MEA1: variants seen among roughly 807,000 people sequenced by gnomAD.
The protein encoded by MEA1 is Male-enhanced antigen (H-Y structural gene).
MEA1 carries 22 observed loss-of-function variants against 21.4 expected under a neutral mutation model. The observed-to-expected ratio is 1.03, with a 90% CI of 0.73 to 1.47. The LOEUF is 1.47. Among genes scored for constraint, MEA1 ranks in the 40% most tolerant of loss-of-function variants. The pLI is 0.00. For missense variants in MEA1, 233 were observed against 230.5 expected (o/e 1.01, Z -0.07); for synonymous variants, 91 against 85.5 (o/e 1.06, Z -0.35).
At position 43,013,152 on chromosome 6, in the gene MEA1, TCC is replaced by T; in HGVS notation, c.264_265del (p.Asp89TrpfsTer6). 3 of 1,614,052 alleles carry T rather than the reference TCC, an allele frequency of 1.9e-6. No homozygotes were observed. The highest frequency in any genetic ancestry group is 2.5e-6 in the Non-Finnish European group (3 of 1,179,998). Reference sequence around the variant, plus strand: ...CTGGATGTCAGCAACTACATCTCCATCCCCCACTGGTGCCAGTTCCACCTCCT... The same window carrying T: ...CTGGATGTCAGCAACTACATCTCCATCCCACTGGTGCCAGTTCCACCTCCT... On this transcript the variant is annotated frameshift_variant, in exon 2 of 4. Coordinates refer to ENST00000244711, the MANE Select transcript of MEA1 (RefSeq NM_014623.4). LOFTEE classifies it high-confidence loss of function.
At chr6:43,015,819 G>T (rs982906558), upstream of MEA1, among the ~76,000 whole-genome samples, 1 of 140,544 alleles carries the variant, frequency 7.1e-6, no homozygotes, top group Non-Finnish European at 1.5e-5. Flanking sequence ...GCACCATTGC[G>T]CTCCAGCCTG....
chr6:43,015,969 C>T (rs1762561897), upstream of MEA1, among the ~76,000 whole-genome samples: 1 of 151,406 alleles, frequency 6.6e-6, no homozygotes, highest in Non-Finnish European at 1.5e-5. Context: ...CAGAGTCTCG[C>T]TCTGTCGCCA....
At chr6:43,014,393 A>C, upstream of MEA1, 1 of 477,280 alleles carries the variant, frequency 2.1e-6, no homozygotes, top group Non-Finnish European at 4.0e-6. Context: ...TAGGGGGCTT[A>C]GGACGTGCTG....
chr6:43,011,146 C>T lies in MEA1; in HGVS notation c.*1324G>A. Reference sequence around the variant, plus strand: ...TCCTCACCTTGTCCCTATTCACACACAGATGCTAAAAGACATCAAGAAGGA... The same window carrying T: ...TCCTCACCTTGTCCCTATTCACACATAGATGCTAAAAGACATCAAGAAGGA... On this transcript the variant is annotated 3_prime_UTR_variant, in exon 4 of 4. Transcript: ENST00000244711. 2 of 1,614,146 alleles carry T rather than the reference C, an allele frequency of 1.2e-6. No homozygotes were observed. The highest frequency in any genetic ancestry group is 1.7e-6 in the Non-Finnish European group (2 of 1,179,998).
rs780114687 is a variant in MEA1, at chr6:43,011,165, A to G, written c.*1305T>C. ...CACACACAGATGCTAAAAGACATCA[A>G]GAAGGAGAAAGTGCTGCTGCGGAGG... On this transcript the variant is annotated 3_prime_UTR_variant, in exon 4 of 4. Transcript: ENST00000244711. 5.0e-6 allele frequency: 8 copies of G among 1,614,164 alleles called. No homozygotes were observed. The South Asian group carries it at 6.6e-5, about 13-fold the overall frequency.
upstream of MEA1, among the ~76,000 whole-genome samples, chr6:43,015,677 C>G (rs1332708943): frequency 6.6e-6 from 1 of 151,844 alleles, no homozygotes; most frequent in Non-Finnish European, 1.5e-5. Flanking sequence ...TAGTGAGACC[C>G]CATCTCTACT....
chr6:43,013,711 TG>T, intron 1 of MEA1, 74 bp downstream of exon 1: 1 of 1,437,932 alleles, frequency 7.0e-7, no homozygotes, highest in Admixed American at 1.9e-5. Context: ...TTGGGAACTC[TG>T]GGTCATCAGA....
Position 43,012,528 on chromosome 6 carries a change from C to T in MEA1, c.500G>A (p.Trp167Ter), listed in dbSNP as rs1223329962. Residue 167 changes from tryptophan (W) to a stop codon, truncating the protein, a stop_gained, in exon 4 of 4, where the codon TGG becomes TAG. Coordinates refer to ENST00000244711, the MANE Select transcript of MEA1 (RefSeq NM_014623.4). LOFTEE classifies it high-confidence loss of function. ...AWAREISDAQWEDVVQKALQA... is the reference protein window; with the variant it reads ...AWAREISDAQ The stretch of plus-strand genomic sequence containing the variant: ...GAGGGCTTTCTGTACCACATCTTCC[C>T]ACTGGGCATCCGATATCTCCCGAGC... 3.1e-6 allele frequency: 5 copies of T among 1,612,068 alleles called. No individual in the cohort carries two copies. Among genetic ancestry groups the T allele is most frequent in the Non-Finnish European group, 4.2e-6 (5 of 1,179,346 alleles).
upstream of MEA1, among the ~76,000 whole-genome samples, chr6:43,015,403 C>T (rs1444109793): frequency 1.3e-5 from 2 of 152,186 alleles, no homozygotes; most frequent in Non-Finnish European, 2.9e-5. Context: ...GCCCTTTCCT[C>T]TGCCAGGGCT....
chr6:43,014,221 G>A, upstream of MEA1: 2 of 1,241,476 alleles, frequency 1.6e-6, no homozygotes, highest in Non-Finnish European at 1.1e-6. Context: ...GCGCACAGCT[G>A]CCCGCCGGAA....
chr6:43,011,612 C>T lies in MEA1; in HGVS notation c.*858G>A, dbSNP rs1252490298. ...TGAGAAGTACACACAGGAATACATA[C>T]GCTCCTCTATTCTTCCCTTCATCCT... On this transcript the variant is annotated 3_prime_UTR_variant, in exon 4 of 4. Coordinates refer to ENST00000244711, the MANE Select transcript of MEA1 (RefSeq NM_014623.4). 10 of 372,546 alleles carry T rather than the reference C, an allele frequency of 2.7e-5. No individual in the cohort carries two copies. The highest frequency in any genetic ancestry group is 6.5e-5 in the South Asian group (2 of 30,956). 23.1% of individuals were successfully genotyped at this position (372,546 alleles called of 1,614,324 possible). A position where few individuals can be genotyped will look rare whatever the true frequency, so the allele number is the denominator to read the frequency against.
rs1169215441 is a variant in MEA1 at position 43,012,050 on chromosome 6, A to G, written c.*420T>C. The G allele has an allele frequency of 3.0e-6, 1 of 334,852 alleles. No homozygotes were observed. The highest frequency in any genetic ancestry group is 1.6e-4 in the East Asian group (1 of 6,074). 20.7% of individuals were successfully genotyped at this position (334,852 alleles called of 1,614,324 possible). Reference sequence around the variant, plus strand: ...CTGCTTTTCTGTGCTGTTGGTTCCCAAAACTAGAAAGAAGGAAGCAGGGAG... The same window carrying G: ...CTGCTTTTCTGTGCTGTTGGTTCCCGAAACTAGAAAGAAGGAAGCAGGGAG... On this transcript the variant is annotated 3_prime_UTR_variant, in exon 4 of 4. Transcript: ENST00000244711.
Position 43,012,293 on chromosome 6 carries a change from G to C in MEA1, c.*177C>G. On this transcript the variant is annotated 3_prime_UTR_variant, in exon 4 of 4. Transcript: ENST00000244711. ...ATACATGCTAAGGTGGGTTGGGCTTGGACCGATGTCCCCATATGTACAGAA... is the reference window on the plus strand; with the variant it reads ...ATACATGCTAAGGTGGGTTGGGCTTCGACCGATGTCCCCATATGTACAGAA... 1 of 1,383,328 alleles carries C rather than the reference G, an allele frequency of 7.2e-7. No individual in the cohort carries two copies. Among genetic ancestry groups the C allele is most frequent in the Non-Finnish European group, 9.4e-7 (1 of 1,067,570 alleles). 85.7% of individuals were successfully genotyped at this position (1,383,328 alleles called of 1,614,324 possible).
chr6:43,013,183 G>C lies in MEA1; in HGVS notation c.235C>G (p.Gln79Glu), dbSNP rs772384392. 2.2e-5 allele frequency: 36 copies of C among 1,614,004 alleles called. No homozygotes were observed. The highest frequency in any genetic ancestry group is 3.0e-5 in the Non-Finnish European group (35 of 1,180,034). ...ACTGGTGCCAGTTCCACCTCCTCTT[G>C]TTCAGGATCTTGGTTCAGGGGCTGG... ...SYQPLNQDPE[Q>E]EEVELAPVGD... The change falls in exon 2 of 4, where the codon CAA becomes GAA. Residue 79 changes from glutamine to glutamate, a missense_variant. Physicochemically the swap from Gln to Glu is conservative, Grantham distance 29. Coordinates refer to ENST00000244711, the MANE Select transcript of MEA1 (RefSeq NM_014623.4).
At chr6:43,015,084 C>A (rs898249023), upstream of MEA1, among the ~76,000 whole-genome samples, 17 of 152,186 alleles carry the variant, frequency 1.1e-4, no homozygotes, top group South Asian at 6.2e-4. Context: ...TTTTACTTTA[C>A]CTTGACATAT....
Position 43,012,244 on chromosome 6 carries a change from G to A in MEA1, c.*226C>T. On this transcript the variant is annotated 3_prime_UTR_variant, in exon 4 of 4. Transcript: ENST00000244711. Reference sequence around the variant, plus strand: ...AGTGCGGCTTTTGGCTGTGTACATAGGGTGCTTTATTCTCCACAGAGTGAT... The same window carrying A: ...AGTGCGGCTTTTGGCTGTGTACATAAGGTGCTTTATTCTCCACAGAGTGAT... 7.9e-7 allele frequency: 1 copy of A among 1,261,790 alleles called. No individual in the cohort carries two copies. Among genetic ancestry groups the A allele is most frequent in the Non-Finnish European group, 1.0e-6 (1 of 1,001,196 alleles). The allele number at this position is 1,261,790 out of a possible 1,614,324, so 78.2% of individuals were successfully genotyped here.
intron 1 of MEA1, 108 bp from the exon 2 acceptor site, chr6:43,013,497 C>G: frequency 8.0e-7 from 1 of 1,255,972 alleles, no homozygotes. Flanking sequence ...CAGCTCCTCC[C>G]CGAGGCTCCT....
chr6:43,014,370 G>C (rs1762503249), upstream of MEA1: 8 of 628,058 alleles, frequency 1.3e-5, no homozygotes, highest in Non-Finnish European at 2.9e-6. Flanking sequence ...TGGGTAGAAG[G>C]GCAAGGGAGA....
At chr6:43,013,432 C>A (rs1422569092) in intron 1 of MEA1, 43 bp from the exon 2 acceptor site, 5 of 1,593,148 alleles carry the variant, frequency 3.1e-6, no homozygotes, top group Non-Finnish European at 4.3e-6. Flanking sequence ...CGGATGAAAC[C>A]AGGCCCATCT....
Sources: allele counts gnomAD v4.1 joint callset (sites outside exome capture counted in the v4.1 genomes callset), GRCh38; gene constraint gnomAD v4.1.1; transcripts MANE v1.5; gene names NCBI Gene and HGNC (gene_info 2026-07-23, HGNC 2026-07-21).